The following MSRA variants were observed in gnomAD, a reference collection of about 807,000 sequenced individuals.
MSRA encodes the protein methionine sulfoxide reductase A.
In MSRA, 54 loss-of-function variants were observed where a neutral mutation model predicts 31.3. The observed-to-expected ratio is 1.73, with a 90% CI of 1.39 to 2.17. MSRA has a LOEUF of 2.17. Ranked by LOEUF, MSRA falls within the 30% of genes most tolerant of loss-of-function variation. The pLI, the probability that MSRA is intolerant of heterozygous loss-of-function variation, is 0.00. For missense variants in MSRA, 507 were observed against 300.9 expected, an observed-to-expected ratio of 1.69 and a Z score of -5.07; for synonymous variants, 169 against 116.5, an observed-to-expected ratio of 1.45 and a Z score of -2.90.
intron 1 of MSRA, 64 bp downstream of exon 1, chr8:10,054,722 G>T: frequency 7.2e-7 from 1 of 1,390,748 alleles, no homozygotes; most frequent in Non-Finnish European, 9.5e-7. Flanking sequence ...TTGCCCGGCG[G>T]CAGCGCGCCC....
intron 5 of MSRA, chr8:10,337,481 G>A: frequency 1.9e-6 from 1 of 526,026 alleles, no homozygotes; most frequent in Non-Finnish European, 3.4e-6. Context: ...GCCCGGCCAA[G>A]CCTATGTCGC....
intron 3 of MSRA, among the ~76,000 whole-genome samples, chr8:10,246,683 TA>T (rs1168681420): frequency 1.3e-5 from 2 of 152,160 alleles, no homozygotes; most frequent in Non-Finnish European, 2.9e-5. Context: ...TATTTTGAAA[TA>T]AAAATTGAGC....
intron 5 of MSRA, among the ~76,000 whole-genome samples, chr8:10,410,217 G>A (rs187763247): frequency 1.1e-4 from 16 of 152,272 alleles, no homozygotes; most frequent in Middle Eastern, 3.4e-3. Flanking sequence ...TGGCGGGGAC[G>A]CTTGGCCAGG....
At chr8:10,091,831 T>C (rs1585127229) in intron 1 of MSRA, among the ~76,000 whole-genome samples, 1 of 152,132 alleles carries the variant, frequency 6.6e-6, no homozygotes, top group East Asian at 1.9e-4. Context: ...GGTCTCGAAC[T>C]CTTGTCCTCA....
At chr8:10,110,006 T>C (rs377404852) in intron 1 of MSRA, among the ~76,000 whole-genome samples, 203 of 152,272 alleles carry the variant, frequency 1.3e-3, no homozygotes, top group African/African-American at 4.6e-3. Context: ...GTATCACCTC[T>C]TGTTCCCCAC....
chr8:10,186,456 G>C (rs1807062522), intron 1 of MSRA, among the ~76,000 whole-genome samples: 2 of 152,162 alleles, frequency 1.3e-5, no homozygotes, highest in African/African-American at 2.4e-5. Context: ...CATGTGTCAT[G>C]AAGTACTTCT....
intron 3 of MSRA, among the ~76,000 whole-genome samples, chr8:10,286,405 A>G (rs887696790): frequency 6.6e-6 from 1 of 152,160 alleles, no homozygotes; most frequent in African/African-American, 2.4e-5. Context: ...TCCCTGCACA[A>G]GCACTCCTCT....
chr8:10,382,902 C>T (rs55846031), intron 5 of MSRA, among the ~76,000 whole-genome samples: 2,893 of 152,334 alleles, frequency 0.019, 49 homozygotes, highest in Non-Finnish European at 0.028. Context: ...CCACCGCCAG[C>T]TCCCTTTCAG....
At chr8:10,240,703 A>G (rs1032549791) in intron 2 of MSRA, among the ~76,000 whole-genome samples, 4 of 152,088 alleles carry the variant, frequency 2.6e-5, no homozygotes, top group Non-Finnish European at 4.4e-5. Flanking sequence ...TCCCTCTCTG[A>G]AGGAACCAGT....
intron 5 of MSRA, among the ~76,000 whole-genome samples, chr8:10,392,767 C>A (rs978797470): frequency 6.6e-6 from 1 of 151,088 alleles, no homozygotes; most frequent in Non-Finnish European, 1.5e-5. Context: ...AAATGTTCAG[C>A]CAGGCGTGGT....
intron 1 of MSRA, among the ~76,000 whole-genome samples, chr8:10,151,543 G>C (rs62488737): frequency 6.6e-6 from 1 of 152,100 alleles, no homozygotes; most frequent in South Asian, 2.1e-4. Context: ...CCAGCTACTC[G>C]GGAGGCTGAG....
chr8:10,426,943 G>C (rs1394236743), intron 5 of MSRA, among the ~76,000 whole-genome samples: 2 of 124,064 alleles, frequency 1.6e-5, no homozygotes, highest in African/African-American at 6.0e-5. Flanking sequence ...CGTCTTGGCG[G>C]GGACCCTGCC....
intron 4 of MSRA, among the ~76,000 whole-genome samples, chr8:10,303,388 G>C (rs1160514652): frequency 6.6e-6 from 1 of 152,212 alleles, no homozygotes; most frequent in Non-Finnish European, 1.5e-5. Context: ...ATACTACTAT[G>C]ATGAGGGTTT....
chr8:10,260,220 C>G (rs1798401420), intron 3 of MSRA, among the ~76,000 whole-genome samples: 1 of 152,140 alleles, frequency 6.6e-6, no homozygotes, highest in Admixed American at 6.5e-5. Context: ...GGTCCAGTTG[C>G]AGCAGAATAA....
intron 5 of MSRA, among the ~76,000 whole-genome samples, chr8:10,343,773 G>A (rs867231648): frequency 2.0e-5 from 3 of 152,080 alleles, no homozygotes; most frequent in African/African-American, 7.2e-5. Context: ...TATGCAAACA[G>A]CAACAAAACC....
At position 10,221,315 on chromosome 8, in the gene MSRA, A is replaced by G. The variant is rs187397827; in HGVS notation, c.211+13414A>G. Among the ~76,000 whole-genome samples the G allele has an allele frequency of 4.6e-5, 7 of 152,192 alleles. No individual in the cohort carries two copies. In the East Asian group the frequency reaches 1.2e-3, roughly 25 times the overall value. On this transcript the variant is annotated intron_variant, in intron 2 of 5. Transcript: ENST00000317173. ...AGTTTTTGTCCCCATTTTTTCTCCC[A>G]TGTAAGACATTTTTAATCTACCTTG...
intron 5 of MSRA, among the ~76,000 whole-genome samples, chr8:10,347,280 A>G (rs1473314626): frequency 1.3e-5 from 2 of 151,866 alleles, no homozygotes; most frequent in Admixed American, 6.6e-5. Context: ...AGCCTGATAA[A>G]TCTCCCTCTT....
chr8:10,340,986 A>G (rs951920513), intron 5 of MSRA, among the ~76,000 whole-genome samples: 4 of 152,220 alleles, frequency 2.6e-5, no homozygotes, highest in Non-Finnish European at 5.9e-5. Context: ...TCCAACATGA[A>G]GTAAGATTTC....
chr8:10,412,394 A>C (rs956088054), intron 5 of MSRA, among the ~76,000 whole-genome samples: 11 of 152,230 alleles, frequency 7.2e-5, no homozygotes, highest in Non-Finnish European at 1.3e-4. Context: ...GTGCTGAACC[A>C]ACTGAAAAAG....
Sources: allele counts gnomAD v4.1 joint callset (sites outside exome capture counted in the v4.1 genomes callset), GRCh38; gene constraint gnomAD v4.1.1; transcripts MANE v1.5; gene names NCBI Gene and HGNC (gene_info 2026-07-23, HGNC 2026-07-21).